The following ITPR2 variants were observed in gnomAD, a reference collection of about 807,000 sequenced individuals.
ITPR2 encodes the protein inositol 1,4,5-trisphosphate-gated calcium channel ITPR2.
A neutral mutation model predicts 317.1 loss-of-function variants in ITPR2; 207 were observed. The observed-to-expected ratio is 0.65, with a 90% CI of 0.58 to 0.73. The LOEUF (loss-of-function observed/expected upper bound fraction) is 0.73. Among genes scored for constraint, ITPR2 ranks in the 30% least tolerant of loss-of-function variants. The pLI is 0.00. For missense variants in ITPR2, 2,613 were observed against 3,284.0 expected (o/e 0.80, Z 4.99); for synonymous variants, 1,156 against 1,149.1 (o/e 1.01, Z -0.12).
At chr12:26,727,323 ACT>A (rs1216613767) in intron 2 of ITPR2, among the ~76,000 whole-genome samples, 4 of 152,084 alleles carry the variant, frequency 2.6e-5, no homozygotes, top group African/African-American at 9.7e-5. Context: ...AAGTGGCAAA[ACT>A]CTATACTGTC....
At chr12:26,569,170 C>T (rs765470531) in intron 34 of ITPR2, among the ~76,000 whole-genome samples, 4 of 151,854 alleles carry the variant, frequency 2.6e-5, no homozygotes, top group African/African-American at 4.8e-5. Context: ...AGGGCTATTC[C>T]GAAGATGAAA....
intron 34 of ITPR2, among the ~76,000 whole-genome samples, chr12:26,577,706 A>T (rs778314142): frequency 6.6e-6 from 1 of 152,210 alleles, no homozygotes; most frequent in Non-Finnish European, 1.5e-5. Context: ...TTCAAATCAA[A>T]ATCAGGGCTG....
intron 45 of ITPR2, among the ~76,000 whole-genome samples, chr12:26,461,990 G>C (rs1942045996): frequency 6.8e-6 from 1 of 146,670 alleles, no homozygotes; most frequent in African/African-American, 2.5e-5. Flanking sequence ...TTGTCTTTCA[G>C]CATTAGTTTG....
At chr12:26,534,804 A>G (rs1282534407) in intron 37 of ITPR2, among the ~76,000 whole-genome samples, 5 of 152,360 alleles carry the variant, frequency 3.3e-5, no homozygotes. Context: ...CACTGTAATC[A>G]AACAGTCTTT....
chr12:26,619,621 A>G (rs938664436), intron 26 of ITPR2, among the ~76,000 whole-genome samples: 3 of 152,114 alleles, frequency 2.0e-5, no homozygotes, highest in African/African-American at 7.2e-5. Context: ...CACAGATGTG[A>G]TATCTAGAAT....
intron 2 of ITPR2, among the ~76,000 whole-genome samples, chr12:26,764,174 G>A (rs1322751721): frequency 6.6e-6 from 1 of 151,974 alleles, no homozygotes. Context: ...TCTAGACAAA[G>A]ACTTTTCACC....
intron 55 of ITPR2, among the ~76,000 whole-genome samples, chr12:26,378,416 T>C (rs1939407800): frequency 6.6e-6 from 1 of 152,094 alleles, no homozygotes. Flanking sequence ...CTGACTGTTG[T>C]TGGCTAAGGG....
intron 52 of ITPR2, among the ~76,000 whole-genome samples, chr12:26,407,533 G>A (rs1031554434): frequency 2.0e-5 from 3 of 152,030 alleles, no homozygotes; most frequent in African/African-American, 4.8e-5. Context: ...TCATAAATAC[G>A]TAACAGAGAA....
chr12:26,754,061 A>C (rs1213497363), intron 2 of ITPR2, among the ~76,000 whole-genome samples: 1 of 152,206 alleles, frequency 6.6e-6, no homozygotes, highest in African/African-American at 2.4e-5. Flanking sequence ...TAATTGGTTT[A>C]ATAATAAGAG....
chr12:26,699,251 T>C (rs534755741), intron 9 of ITPR2, among the ~76,000 whole-genome samples: 20 of 152,252 alleles, frequency 1.3e-4, no homozygotes, highest in African/African-American at 4.6e-4. Context: ...CTCTGAAACT[T>C]AGATCATATA....
At chr12:26,344,015 C>T (rs574762502) in intron 55 of ITPR2, among the ~76,000 whole-genome samples, 1 of 152,142 alleles carries the variant, frequency 6.6e-6, no homozygotes, top group South Asian at 2.1e-4. Flanking sequence ...AGGCTTCCAC[C>T]TCATGGGGGT....
intron 21 of ITPR2, among the ~76,000 whole-genome samples, chr12:26,639,501 G>A (rs536568490): frequency 5.1e-4 from 77 of 151,568 alleles, no homozygotes; most frequent in African/African-American, 1.8e-3. Context: ...TTAAGTTTTA[G>A]GGTACATGTG....
chr12:26,549,572 C>G (rs114987828), intron 37 of ITPR2, among the ~76,000 whole-genome samples: 183 of 152,128 alleles, frequency 1.2e-3, no homozygotes, highest in African/African-American at 4.3e-3. Context: ...AAAGTACAGA[C>G]AGCTAGCTAA....
At chr12:26,564,654 A>G (rs1944901205) in intron 34 of ITPR2, among the ~76,000 whole-genome samples, 1 of 152,206 alleles carries the variant, frequency 6.6e-6, no homozygotes, top group African/African-American at 2.4e-5. Flanking sequence ...TACCTGAGGG[A>G]CACACACGAT....
intron 2 of ITPR2, among the ~76,000 whole-genome samples, chr12:26,732,693 T>C (rs1476840783): frequency 6.6e-6 from 1 of 152,194 alleles, no homozygotes; most frequent in Non-Finnish European, 1.5e-5. Flanking sequence ...CCCTACGTAG[T>C]GTACTGTAGC....
chr12:26,568,442 T>G (rs761250032), intron 34 of ITPR2, among the ~76,000 whole-genome samples: 10 of 152,118 alleles, frequency 6.6e-5, no homozygotes, highest in Non-Finnish European at 1.5e-4. Flanking sequence ...AACTGTCTAA[T>G]TAGGCTTATA....
intron 1 of ITPR2, among the ~76,000 whole-genome samples, chr12:26,826,609 A>T (rs1021974012): frequency 6.6e-6 from 1 of 152,228 alleles, no homozygotes; most frequent in African/African-American, 2.4e-5. Flanking sequence ...GATGATGCTT[A>T]TGATGCTTTG....
chr12:26,541,940 C>T (rs1384644804), intron 37 of ITPR2, among the ~76,000 whole-genome samples: 1 of 151,734 alleles, frequency 6.6e-6, no homozygotes, highest in Non-Finnish European at 1.5e-5. Flanking sequence ...TCTTAAAGAT[C>T]TTTATTCCAT....
intron 14 of ITPR2, 77 bp downstream of exon 14, chr12:26,665,833 A>G (rs1947613790): frequency 3.2e-6 from 4 of 1,255,138 alleles, no homozygotes; most frequent in East Asian, 4.7e-5. Flanking sequence ...ATAGTAATAG[A>G]TAACTAATAC....
Sources: allele counts gnomAD v4.1 joint callset (sites outside exome capture counted in the v4.1 genomes callset), GRCh38; gene constraint gnomAD v4.1.1; transcripts MANE v1.5; gene names NCBI Gene and HGNC (gene_info 2026-07-23, HGNC 2026-07-21).